The following URB1 variants were observed in gnomAD, a reference collection of about 807,000 sequenced individuals.
URB1 encodes the protein nucleolar pre-ribosomal-associated protein 1.
A neutral mutation model predicts 242.3 loss-of-function variants in URB1; 197 were observed. The observed-to-expected ratio is 0.81, with a 90% CI of 0.72 to 0.91. URB1 has a LOEUF of 0.91. Among genes scored for constraint, URB1 ranks in the 40% least tolerant of loss-of-function variants. The pLI, the probability that URB1 is intolerant of heterozygous loss-of-function variation, is 0.00. For missense variants in URB1, 2,721 were observed against 2,860.5 expected (o/e 0.95, Z 1.11); for synonymous variants, 1,153 against 1,201.8 (o/e 0.96, Z 0.84).
rs762225 is a variant in URB1, at chr21:32,316,888, G to C, written c.6212C>G (p.Pro2071Arg). 4.4e-3 allele frequency: 6,858 copies of C among 1,551,674 alleles called. 556 individuals carry two copies. In the Admixed American group the frequency reaches 0.13, roughly 29 times the overall value. The change falls in exon 38 of 39, where the codon CCT becomes CGT. Residue 2071 changes from proline (P) to arginine (R), a missense_variant. Coordinates refer to ENST00000382751, the MANE Select transcript of URB1 (RefSeq NM_014825.3). ...AGGCTCCTGAGTGGGGTCAGGACCA[G>C]GGATCACTGGTCTCCAGTAAGTCAA... ...SILTYWRPVI[P>R]GPDPTQEPVD... is the part of the protein sequence containing the mutation.
chr21:32,328,232 G>A (rs892063603), intron 30 of URB1, among the ~76,000 whole-genome samples: 1 of 152,182 alleles, frequency 6.6e-6, no homozygotes, highest in African/African-American at 2.4e-5. Flanking sequence ...CCACCTTACG[G>A]GTGCAAGCGA....
Position 32,321,951 on chromosome 21 carries a change from C to A in URB1, c.5341-7G>T. 1 of 1,550,370 alleles carries A rather than the reference C, an allele frequency of 6.5e-7. No individual in the cohort carries two copies. Among genetic ancestry groups the A allele is most frequent in the Non-Finnish European group, 8.7e-7 (1 of 1,146,304 alleles). ...ACTTCTGCTCTGTTTTTTGCTATAACCCAGGCACACAAAAAACTGTTGTTA... is the reference window on the plus strand; with the variant it reads ...ACTTCTGCTCTGTTTTTTGCTATAAACCAGGCACACAAAAAACTGTTGTTA... On this transcript the variant is annotated splice_region_variant and splice_polypyrimidine_tract_variant and intron_variant, in intron 33 of 38. Coordinates refer to ENST00000382751, the MANE Select transcript of URB1 (RefSeq NM_014825.3).
At chr21:32,354,826 C>T (rs1601141698) in intron 17 of URB1, 33 bp downstream of exon 17, 2 of 1,543,222 alleles carry the variant, frequency 1.3e-6, no homozygotes, top group East Asian at 4.9e-5. Context: ...GGTCTTCAGA[C>T]CTCTGAGCAG....
intron 26 of URB1, among the ~76,000 whole-genome samples, chr21:32,337,981 C>CTCTA (rs887695087): frequency 2.0e-5 from 3 of 152,172 alleles, no homozygotes; most frequent in African/African-American, 7.2e-5. Context: ...CTACCAAAGC[C>CTCTA]TCTACTCTGT....
chr21:32,320,262 G>C (rs2032748907), intron 35 of URB1, among the ~76,000 whole-genome samples: 1 of 152,228 alleles, frequency 6.6e-6, no homozygotes, highest in Admixed American at 6.5e-5. Context: ...GGCTGGCGGA[G>C]ACTCTGCCAG....
intron 18 of URB1, 132 bp downstream of exon 18, chr21:32,353,801 C>G (rs2033186032): frequency 8.9e-7 from 1 of 1,122,686 alleles, no homozygotes; most frequent in Non-Finnish European, 1.2e-6. Context: ...GTAGCTATCA[C>G]TCTGGGGGTT....
chr21:32,349,674 C>T (rs1274569982), intron 20 of URB1, among the ~76,000 whole-genome samples, 191 bp from the exon 21 acceptor site: 1 of 152,212 alleles, frequency 6.6e-6, no homozygotes, highest in Non-Finnish European at 1.5e-5. Context: ...TCTTCCTAAG[C>T]CTTGGTGAAA....
chr21:32,358,158 T>C (rs1193696200), intron 14 of URB1, among the ~76,000 whole-genome samples: 1 of 152,206 alleles, frequency 6.6e-6, no homozygotes, highest in East Asian at 1.9e-4. Context: ...TAAGCACAGG[T>C]AGCCCTGTTC....
chr21:32,347,921 C>A (rs1020344108), intron 21 of URB1, 110 bp from the exon 22 acceptor site: 2 of 1,416,150 alleles, frequency 1.4e-6, no homozygotes, highest in African/African-American at 2.9e-5. Flanking sequence ...GAGCAGAAGG[C>A]CCCTTTCCTA....
rs192443308 is a variant in URB1 at position 32,321,952 on chromosome 21, C to T, written c.5341-8G>A. 2,474 of 1,550,356 alleles carry T rather than the reference C, an allele frequency of 1.6e-3. 3 individuals are homozygous for T. The highest frequency in any genetic ancestry group is 2.8e-3 in the Middle Eastern group (17 of 5,992). On this transcript the variant is annotated splice_region_variant and splice_polypyrimidine_tract_variant and intron_variant, in intron 33 of 38. Transcript: ENST00000382751. The stretch of plus-strand genomic sequence containing the variant: ...CTTCTGCTCTGTTTTTTGCTATAAC[C>T]CAGGCACACAAAAAACTGTTGTTAA...
chr21:32,386,382 G>T (rs2033584097), intron 1 of URB1, among the ~76,000 whole-genome samples: 3 of 152,200 alleles, frequency 2.0e-5, no homozygotes, highest in Admixed American at 1.3e-4. Context: ...CTGCAAGCCA[G>T]GACGTGCCCT....
At chr21:32,382,066 G>A (rs980401292) in intron 4 of URB1, among the ~76,000 whole-genome samples, 1 of 152,214 alleles carries the variant, frequency 6.6e-6, no homozygotes, top group Admixed American at 6.5e-5. Flanking sequence ...GAGACCCTGA[G>A]ATGAAACGGC....
At chr21:32,321,757 G>A (rs1460853932) in intron 34 of URB1, 44 bp downstream of exon 34, 5 of 1,545,986 alleles carry the variant, frequency 3.2e-6, no homozygotes, top group Admixed American at 2.0e-5. Context: ...TTAAGAAGGG[G>A]CACAGACCTC....
At position 32,350,699 on chromosome 21, in the gene URB1, C is replaced by A; in HGVS notation, c.2832+5G>T. On this transcript the variant is annotated splice_donor_5th_base_variant and intron_variant, in intron 20 of 38. Coordinates refer to ENST00000382751, the MANE Select transcript of URB1 (RefSeq NM_014825.3). ...AAGCCTGTGGAGGATGGGGGCAACG[C>A]TGACCTGGCCGAAGTTCTCCACAGT... 2 of 1,550,720 alleles carry A rather than the reference C, an allele frequency of 1.3e-6. No homozygotes were observed. Among genetic ancestry groups the A allele is most frequent in the Non-Finnish European group, 1.7e-6 (2 of 1,146,498 alleles).
intron 34 of URB1, 82 bp from the exon 35 acceptor site, chr21:32,320,722 G>A (rs995141491): frequency 2.0e-6 from 2 of 1,012,902 alleles, no homozygotes; most frequent in African/African-American, 3.2e-5. Flanking sequence ...AAAATTAATG[G>A]TATGGTGCCA....
Position 32,344,723 on chromosome 21 carries a change from C to T in URB1, c.4104G>A (p.Leu1368=). The change falls in exon 24 of 39, where the codon CTG becomes CTA. Residue 1368 remains leucine (L), a synonymous_variant. Transcript: ENST00000382751. Reference sequence around the variant, plus strand: ...CACACAGCTCTTCTGCTGACCCTTCCAGAGCTGCTGAAATGGAGTCGGCCA... The same window carrying T: ...CACACAGCTCTTCTGCTGACCCTTCTAGAGCTGCTGAAATGGAGTCGGCCA... ...WIVADSISAA[L]EGSAEELCAW... 4 of 1,551,804 alleles carry T rather than the reference C, an allele frequency of 2.6e-6. No individual in the cohort carries two copies. The highest frequency in any genetic ancestry group is 3.5e-6 in the Non-Finnish European group (4 of 1,147,046).
Position 32,316,812 on chromosome 21 carries a change from G to T in URB1, c.6288C>A (p.Ala2096=). Residue 2096 remains alanine (A), a synonymous_variant, in exon 38 of 39, where the codon GCC becomes GCA. Coordinates refer to ENST00000382751, the MANE Select transcript of URB1 (RefSeq NM_014825.3). ...GCACCCAACTGACTGCCAGGGAAGCGGCAGCATATACGGGGCCTGGCGCAT... is the reference window on the plus strand; with the variant it reads ...GCACCCAACTGACTGCCAGGGAAGCTGCAGCATATACGGGGCCTGGCGCAT... ...ESDAPGPVYA[A]ASLAVSWVLR... is the part of the protein sequence containing the mutation. 6.5e-7 allele frequency: 1 copy of T among 1,547,194 alleles called. No homozygotes were observed. The highest frequency in any genetic ancestry group is 8.7e-7 in the Non-Finnish European group (1 of 1,144,000).
chr21:32,384,417 T>G lies in URB1; in HGVS notation c.330A>C (p.Ala110=), dbSNP rs1015915454. Reference sequence around the variant, plus strand: ...CAACATGGAAATGTGAAAGATCACTTGCTGTCCGCAATAATATGGCCTCGA... The same window carrying G: ...CAACATGGAAATGTGAAAGATCACTGGCTGTCCGCAATAATATGGCCTCGA... ...QVFEAILLRT[A]SDLSHFHVVG... Residue 110 remains alanine (A), a synonymous_variant, in exon 3 of 39, where the codon GCA becomes GCC. Transcript: ENST00000382751. 9.7e-6 allele frequency: 15 copies of G among 1,551,960 alleles called. No homozygotes were observed. The African/African-American group carries it at 1.8e-4, about 18-fold the overall frequency.
At position 32,361,043 on chromosome 21, in the gene URB1, T is replaced by C. The variant is rs1418878033; in HGVS notation, c.1720A>G (p.Met574Val). Residue 574 changes from methionine (M) to valine (V), a missense_variant, in exon 13 of 39, where the codon ATG becomes GTG. Met to Val is a conservative substitution (Grantham distance 21). Transcript: ENST00000382751. ...TTGCTGAAGTCAAAGTTGTACTGCA[T>C]GACCACGTGGGGGACCACCTTCTGG... is the stretch of plus-strand genomic sequence containing the variant. Reference protein sequence around the residue: ...LYQKVVPHVVMQYNFDFSKLL... With the variant: ...LYQKVVPHVVVQYNFDFSKLL... 23 of 1,550,820 alleles carry C rather than the reference T, an allele frequency of 1.5e-5. No homozygotes were observed. Among genetic ancestry groups the C allele is most frequent in the Non-Finnish European group, 2.0e-5 (23 of 1,146,828 alleles).
Sources: gnomAD v4.1 joint callset for allele counts (sites outside exome capture counted in the v4.1 genomes callset) on GRCh38, gnomAD v4.1.1 for gene constraint, MANE v1.5 for transcripts, NCBI Gene and HGNC (gene_info 2026-07-23, HGNC 2026-07-21) for gene names.